Variants in NCMAP observed in about 807,000 individuals in gnomAD.
NCMAP encodes the protein non-compact myelin associated protein.
In NCMAP, 8 loss-of-function variants were observed where a neutral mutation model predicts 7.8. The ratio of observed to expected loss-of-function variants is 1.02; its 90% CI spans 0.60 to 1.84. NCMAP has a LOEUF of 1.84. Among genes scored for constraint, NCMAP ranks in the 40% most tolerant of loss-of-function variants. The pLI, the probability that NCMAP is intolerant of heterozygous loss-of-function variation, is 0.00. For missense variants in NCMAP, 112 were observed against 131.4 expected, an observed-to-expected ratio of 0.85 and a Z score of 0.72; for synonymous variants, 41 against 52.9, an observed-to-expected ratio of 0.78 and a Z score of 0.98.
In NCMAP at chr1:24,603,725, A is replaced by G. The variant is rs980565360; in HGVS notation, c.168-1881A>G. On this transcript the variant is annotated intron_variant, in intron 3 of 3. Coordinates refer to ENST00000374392, the MANE Select transcript of NCMAP (RefSeq NM_001010980.5). ...TAGGAGTATTTAGGAGTGCAGTGGC[A>G]TGATGCCTGCAACTCACAAATGGTT... Among the ~76,000 whole-genome samples the G allele has an allele frequency of 3.3e-5, 5 of 152,204 alleles. No homozygotes were observed. In the South Asian group the frequency reaches 1.0e-3, roughly 32 times the overall value.
At chr1:24,604,984 C>T (rs528511838) in intron 3 of NCMAP, among the ~76,000 whole-genome samples, 5 of 151,918 alleles carry the variant, frequency 3.3e-5, no homozygotes, top group Admixed American at 2.0e-4. Context: ...GGCATGGTGA[C>T]AGGTGCCTGT....
intron 1 of NCMAP, among the ~76,000 whole-genome samples, chr1:24,569,314 A>G (rs79721233): frequency 0.017 from 2,467 of 145,196 alleles, 242 homozygotes; most frequent in African/African-American, 0.067. Flanking sequence ...TCTTGAATCT[A>G]GGTTCCACTC....
At chr1:24,580,409 G>C (rs1449745564) in intron 1 of NCMAP, among the ~76,000 whole-genome samples, 3 of 152,064 alleles carry the variant, frequency 2.0e-5, no homozygotes, top group Admixed American at 2.0e-4. Context: ...GGAGGGAAGG[G>C]GTGGAGGGGG....
At chr1:24,597,214 A>G (rs994900269) in intron 2 of NCMAP, among the ~76,000 whole-genome samples, 1 of 152,118 alleles carries the variant, frequency 6.6e-6, no homozygotes, top group South Asian at 2.1e-4. Context: ...AACTGAAAGT[A>G]GTGGTTCTTG....
At chr1:24,574,625 C>A (rs182624910) in intron 1 of NCMAP, among the ~76,000 whole-genome samples, 2 of 151,982 alleles carry the variant, frequency 1.3e-5, no homozygotes, top group African/African-American at 4.8e-5. Context: ...CTCTGGAGAA[C>A]TCCGACATAT....
At position 24,577,401 on chromosome 1, in the gene NCMAP, G is replaced by GTTTTTTTTTTTTTTTTTTTTTT. The variant is rs71577720; in HGVS notation, c.-7-18014_-7-17993dup. 1.4e-3 allele frequency among the ~76,000 whole-genome samples: 54 copies of GTTTTTTTTTTTTTTTTTTTTTT among 39,960 alleles called. 2 individuals carry two copies. The highest frequency in any genetic ancestry group is 1.6e-3 in the Non-Finnish European group (35 of 22,312). The allele number at this position is 39,960 out of a possible 152,430, so 26.2% of individuals were successfully genotyped here. On this transcript the variant is annotated intron_variant, in intron 1 of 3. Coordinates refer to ENST00000374392, the MANE Select transcript of NCMAP (RefSeq NM_001010980.5). ...GAGTTTCTAAGAAGGCACTGGCCTT[G>GTTTTTTTTTTTTTTTTTTTTTT]TTTTTTTTTTTTTTTTTTTTTTTTT... is the stretch of plus-strand genomic sequence containing the variant.
chr1:24,597,693 AGAGAAAGAAG>A (rs1557602757), intron 2 of NCMAP, among the ~76,000 whole-genome samples: 12 of 92,908 alleles, frequency 1.3e-4, no homozygotes, highest in African/African-American at 2.9e-4. Context: ...AAAGAAAGAA[AGAGAAAGAAG>A]GAAAGATTGG....
intron 1 of NCMAP, among the ~76,000 whole-genome samples, chr1:24,558,626 G>A (rs1361578489): frequency 1.3e-5 from 2 of 152,156 alleles, no homozygotes; most frequent in East Asian, 3.8e-4. Flanking sequence ...TGACGTCCAA[G>A]CTGACCCCCC....
intron 1 of NCMAP, among the ~76,000 whole-genome samples, chr1:24,577,401 GTTTTTTTT>G (rs71577720): frequency 2.5e-5 from 1 of 39,956 alleles, no homozygotes; most frequent in African/African-American, 1.1e-4. Flanking sequence ...CACTGGCCTT[GTTTTTTTT>G]TTTTTTTTTT....
chr1:24,561,298 G>A (rs1002784787), intron 1 of NCMAP, among the ~76,000 whole-genome samples: 20 of 151,914 alleles, frequency 1.3e-4, no homozygotes, highest in African/African-American at 3.6e-4. Context: ...AGTGAGCCGA[G>A]ATCGCACCAC....
chr1:24,585,269 G>A (rs190261808), intron 1 of NCMAP, among the ~76,000 whole-genome samples: 5 of 152,066 alleles, frequency 3.3e-5, no homozygotes, highest in East Asian at 1.9e-4. Flanking sequence ...CAGGCGGCTC[G>A]GGTGACTATG....
intron 1 of NCMAP, among the ~76,000 whole-genome samples, chr1:24,582,485 G>A (rs1340902089): frequency 6.6e-6 from 1 of 152,144 alleles, no homozygotes; most frequent in Non-Finnish European, 1.5e-5. Flanking sequence ...TCTTTATAAG[G>A]GAGAGGCAGG....
chr1:24,593,517 T>C (rs1209922744), intron 1 of NCMAP, among the ~76,000 whole-genome samples: 1 of 152,078 alleles, frequency 6.6e-6, no homozygotes, highest in East Asian at 1.9e-4. Context: ...ATAGAAAAAC[T>C]GAAGAAAACA....
chr1:24,566,993 A>G (rs887333212), intron 1 of NCMAP, among the ~76,000 whole-genome samples: 5 of 152,140 alleles, frequency 3.3e-5, no homozygotes, highest in African/African-American at 1.2e-4. Flanking sequence ...GCAATGTAAA[A>G]GTACAAAGGA....
chr1:24,595,190 T>C (rs1309648242), intron 1 of NCMAP, among the ~76,000 whole-genome samples: 1 of 152,188 alleles, frequency 6.6e-6, no homozygotes, highest in Admixed American at 6.5e-5. Context: ...TGAGTAAATA[T>C]GGTTGAATAA....
intron 1 of NCMAP, among the ~76,000 whole-genome samples, chr1:24,573,104 C>T (rs578047513): frequency 6.6e-6 from 1 of 150,676 alleles, no homozygotes; most frequent in Non-Finnish European, 1.5e-5. Context: ...TGCTCACACA[C>T]CTCCACGCCT....
At position 24,574,804 on chromosome 1, in the gene NCMAP, T is replaced by TTG. The variant is rs1651497880; in HGVS notation, c.-8+18636_-8+18637insGT. Among the ~76,000 whole-genome samples, 3 of 150,724 alleles carry TTG rather than the reference T, an allele frequency of 2.0e-5. No individual in the cohort carries two copies. The South Asian group carries it at 6.4e-4, about 32-fold the overall frequency. ...ACAAGGCCCGCAATACTTTTTTTTTTTTTTTTTTTGAGACGGAGTCTCACA... is the reference window on the plus strand; with the variant it reads ...ACAAGGCCCGCAATACTTTTTTTTTTTGTTTTTTTTTGAGACGGAGTCTCACA... On this transcript the variant is annotated intron_variant, in intron 1 of 3. Transcript: ENST00000374392.
At chr1:24,592,996 C>T (rs529967378) in intron 1 of NCMAP, among the ~76,000 whole-genome samples, 8 of 151,940 alleles carry the variant, frequency 5.3e-5, no homozygotes, top group South Asian at 4.2e-4. Flanking sequence ...CCTTGGCCAA[C>T]GTGGTGAAAC....
intron 3 of NCMAP, among the ~76,000 whole-genome samples, chr1:24,603,905 G>A (rs544130905): frequency 1.3e-5 from 2 of 152,236 alleles, no homozygotes; most frequent in Non-Finnish European, 2.9e-5. Flanking sequence ...CTGAGACTGG[G>A]TAAATTATAC....
Sources: gnomAD v4.1 joint callset for allele counts (sites outside exome capture counted in the v4.1 genomes callset) on GRCh38, gnomAD v4.1.1 for gene constraint, MANE v1.5 for transcripts, NCBI Gene and HGNC (gene_info 2026-07-23, HGNC 2026-07-21) for gene names.